Variants in GAREM1 observed in about 807,000 individuals in gnomAD.
GAREM1 encodes GRB2-associated and regulator of MAPK protein 1.
Under a neutral mutation model 71.3 loss-of-function variants are expected in GAREM1, and 26 were observed. The observed-to-expected ratio is 0.36, with a 90% CI of 0.27 to 0.51. The LOEUF is 0.51. Among genes scored for constraint, GAREM1 ranks in the 20% least tolerant of loss-of-function variants. The probability of loss-of-function intolerance (pLI) is 0.95; values close to 1 mark genes in which losing one functional copy is unlikely to be tolerated. For synonymous variants in GAREM1, 440 were observed against 433.2 expected (o/e 1.02, Z -0.20); for missense variants, 1,026 against 1,103.1 (o/e 0.93, Z 0.99).
rs542994667 is a variant in GAREM1 at position 32,348,594 on chromosome 18, CGTGCT to C, written c.263-38276_263-38272del. 1.3e-3 allele frequency among the ~76,000 whole-genome samples: 203 copies of C among 152,114 alleles called. 1 individual carries two copies. Among genetic ancestry groups the C allele is most frequent in the African/African-American group, 4.7e-3 (194 of 41,488 alleles). On this transcript the variant is annotated intron_variant, in intron 2 of 5. Transcript: ENST00000269209. ...CGAAAATTAGCTGGGCGTGGTGGTG[CGTGCT>C]TGTAATTCCAGCTACTGAGGAGGCT...
rs117190472 is a variant in GAREM1 at position 32,278,134 on chromosome 18, G to A, written c.1567-7751C>T. Among the ~76,000 whole-genome samples, 118 of 152,242 alleles carry A rather than the reference G, an allele frequency of 7.8e-4. 1 individual carries two copies. The East Asian group carries it at 0.019, about 25-fold the overall frequency. ...AACAGGACCAAAGAGCTTAAGAAAC[G>A]TAAAAGGACAGTTAACTAAGGCATG... On this transcript the variant is annotated intron_variant, in intron 4 of 5. Transcript: ENST00000269209.
intron 2 of GAREM1, among the ~76,000 whole-genome samples, chr18:32,378,592 T>C (rs1169263616): frequency 6.6e-6 from 1 of 151,602 alleles, no homozygotes; most frequent in Non-Finnish European, 1.5e-5. Context: ...GATGCTCCAA[T>C]GGGAGGGAGG....
intron 2 of GAREM1, among the ~76,000 whole-genome samples, chr18:32,336,927 G>A (rs2047602125): frequency 1.3e-5 from 2 of 152,196 alleles, no homozygotes; most frequent in African/African-American, 4.8e-5. Flanking sequence ...ATTAGTGGCT[G>A]TCTGTAAAAC....
At chr18:32,286,902 C>T in intron 4 of GAREM1, 129 bp downstream of exon 4, 1 of 676,182 alleles carries the variant, frequency 1.5e-6, no homozygotes, top group South Asian at 1.9e-5. Context: ...ATGTGTATCT[C>T]ACTCCAAACT....
rs2041345015 is a variant in GAREM1, at chr18:32,264,370, A to C, written c.*3501T>G. 1 of 152,186 alleles carries C rather than the reference A, an allele frequency of 6.6e-6. No homozygotes were observed. Among genetic ancestry groups the C allele is most frequent in the Admixed American group, 6.6e-5 (1 of 15,266 alleles). 9.4% of individuals were successfully genotyped at this position (152,186 alleles called of 1,614,324 possible). The stretch of plus-strand genomic sequence containing the variant: ...TTGTTATTCAAAATGTTAATCTTAT[A>C]CTTGCTAGGCACGATGAGTAGTGAC... On this transcript the variant is annotated 3_prime_UTR_variant, in exon 6 of 6. Transcript: ENST00000269209.
intron 1 of GAREM1, among the ~76,000 whole-genome samples, chr18:32,447,203 A>G (rs1454813682): frequency 6.6e-6 from 1 of 152,196 alleles, no homozygotes; most frequent in Non-Finnish European, 1.5e-5. Flanking sequence ...ATTTACATTT[A>G]CTACACTATT....
At chr18:32,345,306 C>G (rs1358230109) in intron 2 of GAREM1, among the ~76,000 whole-genome samples, 1 of 152,082 alleles carries the variant, frequency 6.6e-6, no homozygotes, top group Non-Finnish European at 1.5e-5. Context: ...ACCAGTATTA[C>G]CAATATAGCA....
At chr18:32,301,569 GAACC>G (rs1432901920) in intron 3 of GAREM1, among the ~76,000 whole-genome samples, 1 of 152,136 alleles carries the variant, frequency 6.6e-6, no homozygotes, top group Non-Finnish European at 1.5e-5. Flanking sequence ...GAGCTAATGC[GAACC>G]AACCAATTAG....
chr18:32,395,646 G>A (rs529591664), intron 1 of GAREM1, among the ~76,000 whole-genome samples: 5 of 152,336 alleles, frequency 3.3e-5, no homozygotes, highest in Middle Eastern at 6.8e-3. Flanking sequence ...ATTCTTGAGA[G>A]TGAGGTGGGT....
At chr18:32,437,687 A>G (rs1055248351) in intron 1 of GAREM1, among the ~76,000 whole-genome samples, 4 of 152,186 alleles carry the variant, frequency 2.6e-5, no homozygotes, top group Non-Finnish European at 5.9e-5. Flanking sequence ...AGATTTACCT[A>G]CAGATGGCAA....
intron 4 of GAREM1, among the ~76,000 whole-genome samples, chr18:32,281,632 T>C (rs1400950299): frequency 6.6e-6 from 1 of 152,242 alleles, no homozygotes; most frequent in Non-Finnish European, 1.5e-5. Flanking sequence ...CAGGAATTGC[T>C]ATAATATCAA....
At chr18:32,363,995 C>CATATAT (rs766095412) in intron 2 of GAREM1, among the ~76,000 whole-genome samples, 418 of 21,240 alleles carry the variant, frequency 0.02, 24 homozygotes, top group South Asian at 0.029. Flanking sequence ...TACATATATA[C>CATATAT]ATATATATAT....
chr18:32,334,652 C>G (rs1424381380), intron 2 of GAREM1, among the ~76,000 whole-genome samples: 2 of 152,226 alleles, frequency 1.3e-5, no homozygotes, highest in Non-Finnish European at 2.9e-5. Context: ...ACGGCATAAC[C>G]TATTCCCTGT....
chr18:32,334,570 T>A lies in GAREM1; in HGVS notation c.263-24247A>T, dbSNP rs367722453. ...CAAAAGATATTTCCCCCGAGTGGGG[T>A]TCCACATGGAAGCGGAGGAACAGGA... On this transcript the variant is annotated intron_variant, in intron 2 of 5. Transcript: ENST00000269209. Among the ~76,000 whole-genome samples, 62 of 152,240 alleles carry A rather than the reference T, an allele frequency of 4.1e-4. No homozygotes were observed. In the East Asian group the frequency reaches 7.7e-3, roughly 19 times the overall value.
chr18:32,451,693 T>C (rs1444789697), intron 1 of GAREM1, among the ~76,000 whole-genome samples: 4 of 152,192 alleles, frequency 2.6e-5, no homozygotes, highest in Non-Finnish European at 5.9e-5. Flanking sequence ...AAACTTTTTC[T>C]GCTCTAAATG....
intron 2 of GAREM1, among the ~76,000 whole-genome samples, chr18:32,364,188 C>G (rs1478006098): frequency 6.7e-6 from 1 of 150,278 alleles, no homozygotes; most frequent in Non-Finnish European, 1.5e-5. Flanking sequence ...GAACCCACCA[C>G]CACGCCCAGC....
intron 4 of GAREM1, among the ~76,000 whole-genome samples, chr18:32,274,521 C>T (rs2041511304): frequency 6.6e-6 from 1 of 152,190 alleles, no homozygotes; most frequent in South Asian, 2.1e-4. Context: ...TCTCCGACGG[C>T]TCCCTCTGAT....
intron 1 of GAREM1, among the ~76,000 whole-genome samples, chr18:32,455,835 C>T (rs1302605592): frequency 6.6e-6 from 1 of 152,082 alleles, no homozygotes; most frequent in Non-Finnish European, 1.5e-5. Flanking sequence ...TGGAACACAG[C>T]CCAAGGTAGT....
chr18:32,436,637 G>T (rs1413683598), intron 1 of GAREM1, among the ~76,000 whole-genome samples: 1 of 152,156 alleles, frequency 6.6e-6, no homozygotes, highest in Non-Finnish European at 1.5e-5. Flanking sequence ...GAGTGTTTAA[G>T]CATATCACCT....
Sources: gnomAD v4.1 joint callset for allele counts (sites outside exome capture counted in the v4.1 genomes callset) on GRCh38, gnomAD v4.1.1 for gene constraint, MANE v1.5 for transcripts, NCBI Gene and HGNC (gene_info 2026-07-23, HGNC 2026-07-21) for gene names.